CNIH3: variants seen among roughly 807,000 people sequenced by gnomAD.
The protein encoded by CNIH3 is cornichon family AMPA receptor auxiliary protein 3, also known as protein cornichon homolog 3.
A neutral mutation model predicts 24.1 loss-of-function variants in CNIH3; 14 were observed. That is an observed-to-expected ratio of 0.58 (90% CI 0.38 to 0.91). CNIH3 has a LOEUF of 0.91. CNIH3 is among the 40% of genes least tolerant of loss of function. CNIH3 has a pLI of 0.00. For synonymous variants in CNIH3, 68 were observed against 73.8 expected (o/e 0.92, Z 0.40); for missense variants, 178 against 196.8 (o/e 0.90, Z 0.57).
At chr1:224,681,368 G>A (rs115096041) in intron 2 of CNIH3, among the ~76,000 whole-genome samples, 1,596 of 152,292 alleles carry the variant, frequency 0.01, 9 homozygotes, top group Non-Finnish European at 0.015. Flanking sequence ...TTGCAGGCAC[G>A]TGAGCACCAT....
intron 1 of CNIH3, among the ~76,000 whole-genome samples, chr1:224,649,298 CG>C (rs896583136): frequency 1.2e-4 from 19 of 152,228 alleles, no homozygotes; most frequent in Non-Finnish European, 2.5e-4. Flanking sequence ...CAGGAAATGC[CG>C]GTGGTCTCCG....
intron 3 of CNIH3, among the ~76,000 whole-genome samples, chr1:224,706,725 G>A (rs1425659315): frequency 6.6e-6 from 1 of 152,122 alleles, no homozygotes; most frequent in Non-Finnish European, 1.5e-5. Flanking sequence ...AGAGAGACCT[G>A]CCTCAATGCC....
At chr1:224,439,142 C>T (rs927792032) in intron 1 of CNIH3, among the ~76,000 whole-genome samples, 6 of 152,166 alleles carry the variant, frequency 3.9e-5, no homozygotes, top group African/African-American at 1.4e-4. Flanking sequence ...GCAGTTTTAC[C>T]TGCTGTTCTA....
chr1:224,557,720 G>T (rs1419147802), intron 3 of CNIH3, among the ~76,000 whole-genome samples: 1 of 152,158 alleles, frequency 6.6e-6, no homozygotes, highest in Non-Finnish European at 1.5e-5. Context: ...GCCTCCCAAA[G>T]TGCTGGGATT....
intron 4 of CNIH3, among the ~76,000 whole-genome samples, chr1:224,570,722 AT>A (rs1194960866): frequency 6.6e-6 from 1 of 152,074 alleles, no homozygotes; most frequent in Non-Finnish European, 1.5e-5. Context: ...TATAGTTTAT[AT>A]TTTTGTATAA....
chr1:224,728,274 G>A (rs936188322), intron 3 of CNIH3, among the ~76,000 whole-genome samples: 2 of 152,252 alleles, frequency 1.3e-5, no homozygotes, highest in Non-Finnish European at 2.9e-5. Flanking sequence ...CCAGCTCTGA[G>A]AAAGTGGGCT....
intron 3 of CNIH3, among the ~76,000 whole-genome samples, chr1:224,721,073 C>T (rs776885192): frequency 6.6e-6 from 1 of 152,174 alleles, no homozygotes; most frequent in Non-Finnish European, 1.5e-5. Context: ...CCTCCTGCGT[C>T]GAGTGCTCCC....
chr1:224,452,834 A>T (rs1374074300), intron 1 of CNIH3, among the ~76,000 whole-genome samples: 1 of 143,872 alleles, frequency 7.0e-6, no homozygotes, highest in African/African-American at 2.6e-5. Flanking sequence ...ATAGCTTAAG[A>T]TTATGGCCAG....
chr1:224,584,222 C>T (rs1031702293), intron 5 of CNIH3, among the ~76,000 whole-genome samples: 2 of 152,108 alleles, frequency 1.3e-5, no homozygotes, highest in Non-Finnish European at 2.9e-5. Context: ...AAGAAAGTTA[C>T]AATACACAGA....
chr1:224,574,892 A>C, intron 4 of CNIH3: 1 of 1,011,590 alleles, frequency 9.9e-7, no homozygotes, highest in Non-Finnish European at 1.6e-6. Context: ...TGGTGGATGA[A>C]GGGCTGGTGA....
chr1:224,668,509 G>C (rs1476111911), intron 1 of CNIH3, among the ~76,000 whole-genome samples: 1 of 152,184 alleles, frequency 6.6e-6, no homozygotes, highest in East Asian at 1.9e-4. Context: ...TTTTAGGAAT[G>C]AGTAATGATG....
chr1:224,692,021 C>T (rs559163540), intron 3 of CNIH3, among the ~76,000 whole-genome samples: 7 of 152,316 alleles, frequency 4.6e-5, no homozygotes, highest in Non-Finnish European at 7.3e-5. Context: ...CTGGAAAGGG[C>T]AGGGCGCAGT....
At chr1:224,646,255 G>T (rs144366615) in intron 1 of CNIH3, among the ~76,000 whole-genome samples, 155 of 152,294 alleles carry the variant, frequency 1.0e-3, no homozygotes, top group African/African-American at 3.6e-3. Context: ...AAGACAGAGG[G>T]ATTAGTTCTG....
At chr1:224,507,430 A>G (rs1176483589) in intron 1 of CNIH3, among the ~76,000 whole-genome samples, 1 of 152,200 alleles carries the variant, frequency 6.6e-6, no homozygotes, top group Non-Finnish European at 1.5e-5. Context: ...TGTTCTGAGA[A>G]TTACATTAAA....
Position 224,734,549 on chromosome 1 carries a change from C to T in CNIH3, c.312-14C>T, listed in dbSNP as rs1689497452. 12 of 1,613,298 alleles carry T rather than the reference C, an allele frequency of 7.4e-6. No homozygotes were observed. In the Admixed American group the frequency reaches 1.8e-4, roughly 25 times the overall value. On this transcript the variant is annotated splice_polypyrimidine_tract_variant and intron_variant, in intron 4 of 5. Coordinates refer to ENST00000272133, the MANE Select transcript of CNIH3 (RefSeq NM_152495.2). ...CCAGGACCTCAGAGACAATGATGTCCTCTCTCCCTGCAGGTATTTCCACTG... is the reference window on the plus strand; with the variant it reads ...CCAGGACCTCAGAGACAATGATGTCTTCTCTCCCTGCAGGTATTTCCACTG...
chr1:224,465,153 A>T (rs1429692774), intron 1 of CNIH3, among the ~76,000 whole-genome samples: 2 of 150,210 alleles, frequency 1.3e-5, no homozygotes, highest in Non-Finnish European at 3.0e-5. Flanking sequence ...CTTGTTGCCC[A>T]GGCTGGAGTG....
intron 3 of CNIH3, among the ~76,000 whole-genome samples, chr1:224,708,175 C>T (rs1315796836): frequency 6.6e-6 from 1 of 151,998 alleles, no homozygotes; most frequent in Non-Finnish European, 1.5e-5. Flanking sequence ...TGCTGAGTTC[C>T]CTATTTCCCC....
intron 1 of CNIH3, among the ~76,000 whole-genome samples, chr1:224,436,468 T>A (rs2102937023): frequency 6.6e-6 from 1 of 152,368 alleles, no homozygotes; most frequent in South Asian, 2.1e-4. Flanking sequence ...ATCAGTCACT[T>A]CATGGCAGCT....
At chr1:224,483,390 A>ATTT (rs34771495) in intron 1 of CNIH3, among the ~76,000 whole-genome samples, 1 of 139,128 alleles carries the variant, frequency 7.2e-6, no homozygotes, top group East Asian at 2.1e-4. Context: ...TGCTCACCTG[A>ATTT]TTTTTTTTTT....
Sources: gnomAD v4.1 joint callset for allele counts (sites outside exome capture counted in the v4.1 genomes callset) on GRCh38, gnomAD v4.1.1 for gene constraint, MANE v1.5 for transcripts, NCBI Gene and HGNC (gene_info 2026-07-23, HGNC 2026-07-21) for gene names.